PCDHGB7: variants seen among roughly 807,000 people sequenced by gnomAD.
The protein encoded by PCDHGB7 is protocadherin gamma subfamily B, 7.
In PCDHGB7, 37 loss-of-function variants were observed where a neutral mutation model predicts 61.4. That is an observed-to-expected ratio of 0.60 (90% confidence interval 0.46 to 0.79). The LOEUF is 0.79. Ranked by LOEUF, PCDHGB7 falls within the 30% of genes least tolerant of loss-of-function variation. PCDHGB7 has a pLI of 0.00. For missense variants in PCDHGB7, 1,166 were observed against 1,202.5 expected (o/e 0.97, Z 0.45); for synonymous variants, 464 against 503.5 (o/e 0.92, Z 1.05).
At chr5:141,472,884 G>A (rs1426207609) in intron 1 of PCDHGB7, among the ~76,000 whole-genome samples, 2 of 151,610 alleles carry the variant, frequency 1.3e-5, no homozygotes, top group African/African-American at 4.8e-5. Flanking sequence ...TACTCGGGAG[G>A]CTGAGGCAGG....
chr5:141,427,320 G>A (rs920149276), intron 1 of PCDHGB7: 5 of 456,968 alleles, frequency 1.1e-5, no homozygotes, highest in Non-Finnish European at 1.8e-5. Context: ...CCCAGACGTG[G>A]TTTTTACTTC....
rs781173890 is a variant in PCDHGB7, at chr5:141,476,165, G to T, written c.2416-18642G>T. 5.3e-5 allele frequency: 86 copies of T among 1,613,106 alleles called. No individual in the cohort carries two copies. Among genetic ancestry groups the T allele is most frequent in the Non-Finnish European group, 7.2e-5 (85 of 1,179,976 alleles). On this transcript the variant is annotated intron_variant, in intron 1 of 3. Transcript: ENST00000398594. The surrounding 1 kb of genome is among the most constrained non-coding windows in gnomAD (Gnocchi z 7.6). ...CGGACTGGTAAGCACCGGGAGGGTA[G>T]TGGGAGTTTTGCTTCTGCTTGGTGC...
chr5:141,439,124 C>A (rs550781116), intron 1 of PCDHGB7, among the ~76,000 whole-genome samples: 332 of 150,120 alleles, frequency 2.2e-3, no homozygotes, highest in Non-Finnish European at 3.9e-3. Context: ...ACCCGGGAGA[C>A]AGAGGTTGCA....
chr5:141,496,192 C>T (rs942276204), intron 2 of PCDHGB7, among the ~76,000 whole-genome samples: 1 of 152,098 alleles, frequency 6.6e-6, no homozygotes, highest in Non-Finnish European at 1.5e-5. Flanking sequence ...CCCAGCTGCT[C>T]ATTTCAATCT....
At position 141,486,367 on chromosome 5, in the gene PCDHGB7, G is replaced by A; in HGVS notation, c.2416-8440G>A. On this transcript the variant is annotated intron_variant, in intron 1 of 3. Coordinates refer to ENST00000398594, the MANE Select transcript of PCDHGB7 (RefSeq NM_018927.4). This position sits in a 1 kb window ranked among gnomAD's most constrained non-coding sequence, Gnocchi z 5.0. Reference sequence around the variant, plus strand: ...CTGACCACTTGCCATTTGCCCTCAAGTCTGCCTTCAGGAACCAGTTCTCCC... The same window carrying A: ...CTGACCACTTGCCATTTGCCCTCAAATCTGCCTTCAGGAACCAGTTCTCCC... 1 of 1,614,148 alleles carries A rather than the reference G, an allele frequency of 6.2e-7. No individual in the cohort carries two copies. Among genetic ancestry groups the A allele is most frequent in the Non-Finnish European group, 8.5e-7 (1 of 1,180,022 alleles).
chr5:141,497,689 A>G (rs951295378), intron 2 of PCDHGB7, among the ~76,000 whole-genome samples: 1 of 151,958 alleles, frequency 6.6e-6, no homozygotes, highest in African/African-American at 2.4e-5. Flanking sequence ...GCAGGTGTGC[A>G]CCACCACACC....
In PCDHGB7 at chr5:141,490,072, G is replaced by A; in HGVS notation, c.2416-4735G>A. On this transcript the variant is annotated intron_variant, in intron 1 of 3. Transcript: ENST00000398594. This position sits in a 1 kb window ranked among gnomAD's most constrained non-coding sequence, Gnocchi z 5.4. ...AGACGAGGGCACCAACGGCCAACTA[G>A]ACTATTCTTTTGGAGACCACACATC... is the stretch of plus-strand genomic sequence containing the variant. The A allele has an allele frequency of 6.2e-7, 1 of 1,614,254 alleles. No homozygotes were observed. The highest frequency in any genetic ancestry group is 8.5e-7 in the Non-Finnish European group (1 of 1,180,042).
intron 2 of PCDHGB7, among the ~76,000 whole-genome samples, chr5:141,496,352 G>A (rs2099768243): frequency 2.0e-5 from 3 of 152,200 alleles, no homozygotes; most frequent in South Asian, 2.1e-4. Context: ...GAGTCTCAGA[G>A]CCCAGGGAGA....
Position 141,477,376 on chromosome 5 carries a change from G to A in PCDHGB7, c.2416-17431G>A. The A allele has an allele frequency of 6.2e-7, 1 of 1,614,146 alleles. No homozygotes were observed. Among genetic ancestry groups the A allele is most frequent in the Non-Finnish European group, 8.5e-7 (1 of 1,180,026 alleles). ...GTGCAGACCTGGATCGGGAGACTGT[G>A]CCAGAATACAACCTCAGCATCACCG... On this transcript the variant is annotated intron_variant, in intron 1 of 3. Transcript: ENST00000398594. This position sits in a 1 kb window ranked among gnomAD's most constrained non-coding sequence, Gnocchi z 4.9.
At chr5:141,471,860 A>G (rs1470502617) in intron 1 of PCDHGB7, among the ~76,000 whole-genome samples, 1 of 152,202 alleles carries the variant, frequency 6.6e-6, no homozygotes, top group Non-Finnish European at 1.5e-5. Flanking sequence ...AAAAAGCAAA[A>G]CTGTGGTTGC....
chr5:141,503,671 A>G (rs1028896082), intron 2 of PCDHGB7, among the ~76,000 whole-genome samples: 2 of 151,950 alleles, frequency 1.3e-5, no homozygotes, highest in Non-Finnish European at 2.9e-5. Flanking sequence ...AACTCTTCCC[A>G]CTTTTGGGAA....
rs759146011 is a variant in PCDHGB7, at chr5:141,477,635, G to A, written c.2416-17172G>A. 6.2e-7 allele frequency: 1 copy of A among 1,614,138 alleles called. No homozygotes were observed. The highest frequency in any genetic ancestry group is 8.5e-7 in the Non-Finnish European group (1 of 1,180,040). On this transcript the variant is annotated intron_variant, in intron 1 of 3. Coordinates refer to ENST00000398594, the MANE Select transcript of PCDHGB7 (RefSeq NM_018927.4). This position sits in a 1 kb window ranked among gnomAD's most constrained non-coding sequence, Gnocchi z 4.9. ...GCAAGGAGCTGAAACCGGGCTAGTG[G>A]GTCGCTATTTCACAATAAATCGTGA...
chr5:141,422,909 C>T (rs1260941191), intron 1 of PCDHGB7: 1 of 1,614,252 alleles, frequency 6.2e-7, no homozygotes, highest in East Asian at 2.2e-5. Flanking sequence ...GACAATGCGC[C>T]CGAGATCCTG....
At chr5:141,425,381 A>C (rs1374877185) in intron 1 of PCDHGB7, among the ~76,000 whole-genome samples, 3 of 152,194 alleles carry the variant, frequency 2.0e-5, no homozygotes, top group African/African-American at 7.2e-5. Flanking sequence ...GTTGATTCGG[A>C]GGTAGTGATA....
At position 141,489,774 on chromosome 5, in the gene PCDHGB7, C is replaced by T; in HGVS notation, c.2416-5033C>T. The T allele has an allele frequency of 1.2e-6, 2 of 1,614,164 alleles. No homozygotes were observed. Among genetic ancestry groups the T allele is most frequent in the Non-Finnish European group, 8.5e-7 (1 of 1,179,998 alleles). On this transcript the variant is annotated intron_variant, in intron 1 of 3. Transcript: ENST00000398594. The surrounding 1 kb of genome is among the most constrained non-coding windows in gnomAD (Gnocchi z 4.5). The stretch of plus-strand genomic sequence containing the variant: ...ACACTCTAAGCCCCAACAGCCACTT[C>T]TCTCTGAATGTGAAGACCCTAAAAG...
rs764957747 is a variant in PCDHGB7, at chr5:141,505,453, G to A, written c.2535G>A (p.Leu845=). Residue 845 remains leucine (L), a synonymous_variant, in exon 3 of 4, where the codon CTG becomes CTA. Coordinates refer to ENST00000398594, the MANE Select transcript of PCDHGB7 (RefSeq NM_018927.4). ...ACAACCAGTTTGACACAGAGATGCT[G>A]CAAGCCATGATCTTGGCGTCCGCCA... ...WPNNQFDTEM[L]QAMILASASE... 3 of 1,614,190 alleles carry A rather than the reference G, an allele frequency of 1.9e-6. No individual in the cohort carries two copies. Among genetic ancestry groups the A allele is most frequent in the Non-Finnish European group, 2.5e-6 (3 of 1,180,012 alleles).
intron 1 of PCDHGB7, chr5:141,430,598 T>G: frequency 1.7e-6 from 1 of 598,568 alleles, no homozygotes; most frequent in Non-Finnish European, 2.6e-6. Context: ...TGCACGCGCC[T>G]GAAGCACAAA....
intron 1 of PCDHGB7, among the ~76,000 whole-genome samples, chr5:141,443,696 T>C (rs1293017505): frequency 6.6e-6 from 1 of 152,308 alleles, no homozygotes; most frequent in Admixed American, 6.5e-5. Context: ...TCAAAAATTA[T>C]AGAATAACAT....
At chr5:141,456,214 G>C (rs552287407) in intron 1 of PCDHGB7, among the ~76,000 whole-genome samples, 8 of 152,136 alleles carry the variant, frequency 5.3e-5, no homozygotes, top group Non-Finnish European at 7.4e-5. Context: ...CCTCCCTGTG[G>C]CGATATCAAA....
Sources: gnomAD v4.1 joint callset for allele counts (sites outside exome capture counted in the v4.1 genomes callset) on GRCh38, gnomAD v4.1.1 for gene constraint, Gnocchi (gnomAD v3.1) non-coding constraint, MANE v1.5 for transcripts, NCBI Gene and HGNC (gene_info 2026-07-23, HGNC 2026-07-21) for gene names.